The following CDH12 variants were observed in gnomAD, a reference collection of about 807,000 sequenced individuals.
The protein encoded by CDH12 is cadherin-12.
A neutral mutation model predicts 74.1 loss-of-function variants in CDH12; 41 were observed. The observed-to-expected ratio is 0.55, with a 90% confidence interval of 0.43 to 0.72. The LOEUF (loss-of-function observed/expected upper bound fraction) is 0.72. CDH12 is among the 30% of genes least tolerant of loss of function. The pLI is 0.00. For synonymous variants in CDH12, 399 were observed against 355.0 expected (o/e 1.12, Z -1.39); for missense variants, 945 against 977.2 (o/e 0.97, Z 0.44).
intron 1 of CDH12, among the ~76,000 whole-genome samples, chr5:22,718,070 C>T (rs931490862): frequency 6.6e-5 from 10 of 152,112 alleles, no homozygotes; most frequent in African/African-American, 1.7e-4. Context: ...CCCATTTTAG[C>T]TAATACATGT....
intron 3 of CDH12, among the ~76,000 whole-genome samples, chr5:22,392,186 C>T (rs913647178): frequency 6.6e-6 from 1 of 152,160 alleles, no homozygotes; most frequent in East Asian, 1.9e-4. Context: ...AATGAGTAAG[C>T]TTCCTCTGAC....
chr5:22,566,451 G>C (rs1739287894), intron 1 of CDH12, among the ~76,000 whole-genome samples: 1 of 151,968 alleles, frequency 6.6e-6, no homozygotes, highest in South Asian at 2.1e-4. Context: ...TGTTGGCCAG[G>C]CTGGTCTTGA....
intron 3 of CDH12, among the ~76,000 whole-genome samples, chr5:22,235,945 C>T (rs770785449): frequency 3.3e-5 from 5 of 152,182 alleles, no homozygotes; most frequent in Admixed American, 6.5e-5. Flanking sequence ...GTTACAGACA[C>T]GAGCAGCATA....
chr5:22,010,840 C>T (rs1303084728), intron 5 of CDH12, among the ~76,000 whole-genome samples: 19 of 152,136 alleles, frequency 1.2e-4, no homozygotes, highest in Non-Finnish European at 2.6e-4. Flanking sequence ...GTTCTTTTCT[C>T]CATGAGATTT....
chr5:22,022,595 T>A (rs377537136), intron 5 of CDH12, among the ~76,000 whole-genome samples: 2 of 152,212 alleles, frequency 1.3e-5, no homozygotes, highest in African/African-American at 4.8e-5. Context: ...GAGCACAGTA[T>A]TGGATTTGAT....
At chr5:22,391,313 T>C (rs965013004) in intron 3 of CDH12, among the ~76,000 whole-genome samples, 4 of 152,182 alleles carry the variant, frequency 2.6e-5, no homozygotes, top group Non-Finnish European at 5.9e-5. Flanking sequence ...AGATAAAATA[T>C]AAAAGAAATT....
At chr5:21,899,307 C>CA (rs1166377947) in intron 6 of CDH12, among the ~76,000 whole-genome samples, 1 of 152,118 alleles carries the variant, frequency 6.6e-6, no homozygotes, top group East Asian at 1.9e-4. Context: ...CTCTTGAAGG[C>CA]AAGGGCAGTC....
intron 6 of CDH12, among the ~76,000 whole-genome samples, chr5:21,894,928 C>T (rs1279737504): frequency 6.6e-6 from 1 of 151,534 alleles, no homozygotes; most frequent in Admixed American, 6.6e-5. Flanking sequence ...ACCATATTTG[C>T]TCAAGTCAAT....
chr5:22,012,086 C>A (rs1384585508), intron 5 of CDH12, among the ~76,000 whole-genome samples: 1 of 151,880 alleles, frequency 6.6e-6, no homozygotes, highest in African/African-American at 2.4e-5. Flanking sequence ...AAAATATACA[C>A]TATATTTCTG....
intron 1 of CDH12, among the ~76,000 whole-genome samples, chr5:22,548,196 A>G (rs1738412752): frequency 6.6e-6 from 1 of 152,206 alleles, no homozygotes; most frequent in Non-Finnish European, 1.5e-5. Context: ...AAGTGGATCA[A>G]GTAACAGAAA....
chr5:22,750,721 G>A (rs954348527), intron 1 of CDH12, among the ~76,000 whole-genome samples: 1 of 152,098 alleles, frequency 6.6e-6, no homozygotes, highest in Non-Finnish European at 1.5e-5. Flanking sequence ...CAGTTTGGAA[G>A]TACATTGAGG....
chr5:22,562,547 G>A (rs1739101090), intron 1 of CDH12, among the ~76,000 whole-genome samples: 1 of 151,818 alleles, frequency 6.6e-6, no homozygotes, highest in Admixed American at 6.6e-5. Flanking sequence ...AAAGAAAATG[G>A]GAGGTTGTCA....
rs112134998 is a variant in CDH12 at position 21,862,199 on chromosome 5, A to C, written c.527-7409T>G. Among the ~76,000 whole-genome samples, 876 of 152,200 alleles carry C rather than the reference A, an allele frequency of 5.8e-3. 13 individuals are homozygous for C. Among genetic ancestry groups the C allele is most frequent in the African/African-American group, 0.02 (840 of 41,552 alleles). ...CTATACAATGAGTGTATGGGTTCTG[A>C]AGCCCAGACCAGGCAAGCCAGCTTA... On this transcript the variant is annotated intron_variant, in intron 6 of 14. Transcript: ENST00000382254.
intron 4 of CDH12, among the ~76,000 whole-genome samples, chr5:22,117,961 G>A (rs944737457): frequency 6.6e-5 from 10 of 152,014 alleles, no homozygotes; most frequent in Non-Finnish European, 1.0e-4. Flanking sequence ...TAGCCAAAGT[G>A]GCTAGAAATC....
chr5:21,900,709 G>A (rs561683210), intron 6 of CDH12, among the ~76,000 whole-genome samples: 20 of 152,226 alleles, frequency 1.3e-4, no homozygotes, highest in Admixed American at 3.9e-4. Context: ...ATCGGTCCCC[G>A]ACTCCGCCAG....
In CDH12 at chr5:22,266,277, T is replaced by C. The variant is rs138309052; in HGVS notation, c.-332-53634A>G. On this transcript the variant is annotated intron_variant, in intron 3 of 14. Coordinates refer to ENST00000382254, the MANE Select transcript of CDH12 (RefSeq NM_004061.5). The stretch of plus-strand genomic sequence containing the variant: ...TTTTAGTAGAGACGGGGTTTCACCA[T>C]GTTGGCCTGGCTTGTCTTGAACTGA... Among the ~76,000 whole-genome samples the C allele has an allele frequency of 4.5e-3, 680 of 152,110 alleles. 5 individuals carry two copies. The highest frequency in any genetic ancestry group is 0.016 in the African/African-American group (654 of 41,510).
At chr5:22,315,428 C>T (rs985658824) in intron 3 of CDH12, among the ~76,000 whole-genome samples, 35 of 151,358 alleles carry the variant, frequency 2.3e-4, no homozygotes, top group Admixed American at 4.0e-4. Context: ...AAATAAGAAA[C>T]GAGAGGAAGA....
chr5:22,300,611 C>A (rs557735664), intron 3 of CDH12, among the ~76,000 whole-genome samples: 12 of 152,242 alleles, frequency 7.9e-5, no homozygotes, highest in Admixed American at 7.9e-4. Flanking sequence ...CGTTTTGCAC[C>A]AAAGCTCAAC....
intron 3 of CDH12, among the ~76,000 whole-genome samples, chr5:22,298,571 C>T (rs1473184549): frequency 6.6e-6 from 1 of 152,058 alleles, no homozygotes; most frequent in Non-Finnish European, 1.5e-5. Context: ...ATCTAAACTA[C>T]ATAGTGTACA....
Sources: gnomAD v4.1 joint callset for allele counts (sites outside exome capture counted in the v4.1 genomes callset) on GRCh38, gnomAD v4.1.1 for gene constraint, MANE v1.5 for transcripts, NCBI Gene and HGNC (gene_info 2026-07-23, HGNC 2026-07-21) for gene names.